The following CIAO2A variants were observed in gnomAD, a reference collection of about 807,000 sequenced individuals.
CIAO2A encodes the protein cytosolic iron-sulfur assembly component 2A.
Under a neutral mutation model 22.4 loss-of-function variants are expected in CIAO2A, and 17 were observed. The observed-to-expected ratio is 0.76, with a 90% CI of 0.52 to 1.14. The LOEUF (loss-of-function observed/expected upper bound fraction) is 1.14. Ranked by LOEUF, CIAO2A falls within the 50% of genes most tolerant of loss-of-function variation. CIAO2A has a pLI of 0.00. For synonymous variants in CIAO2A, 74 were observed against 72.3 expected (o/e 1.02, Z -0.12); for missense variants, 192 against 191.4 (o/e 1.00, Z -0.02).
intron 3 of CIAO2A, among the ~76,000 whole-genome samples, chr15:64,078,635 C>CAAA (rs1491101619): frequency 9.8e-5 from 2 of 20,356 alleles, no homozygotes; most frequent in Non-Finnish European, 1.7e-4. Context: ...GATTCCATCG[C>CAAA]AAACAAAAAA....
At chr15:64,091,243 G>A (rs1025978265) in intron 1 of CIAO2A, among the ~76,000 whole-genome samples, 11 of 152,206 alleles carry the variant, frequency 7.2e-5, no homozygotes, top group Non-Finnish European at 1.3e-4. Context: ...CACTTTGGGA[G>A]GCTGAGGCAA....
At chr15:64,075,610 C>A in intron 3 of CIAO2A, 73 bp from the exon 4 acceptor site, 1 of 919,230 alleles carries the variant, frequency 1.1e-6, no homozygotes, top group Non-Finnish European at 1.6e-6. Context: ...GTGGAATGTA[C>A]AGTAAATTCA....
At chr15:64,081,021 C>T (rs570726598) in intron 3 of CIAO2A, 81 bp downstream of exon 3, 45 of 1,344,360 alleles carry the variant, frequency 3.3e-5, no homozygotes, top group Admixed American at 2.9e-4. Context: ...ACTTTAAATA[C>T]GTGAATTGTG....
intron 1 of CIAO2A, among the ~76,000 whole-genome samples, chr15:64,092,166 T>C (rs2080845191): frequency 6.6e-6 from 1 of 152,146 alleles, no homozygotes; most frequent in Non-Finnish European, 1.5e-5. Flanking sequence ...ATTCTTCATT[T>C]ATATTTAAAA....
chr15:64,076,155 T>C (rs1457947239), intron 3 of CIAO2A, among the ~76,000 whole-genome samples: 2 of 152,166 alleles, frequency 1.3e-5, no homozygotes, highest in Admixed American at 6.5e-5. Context: ...ATATGTGTGG[T>C]TTTACTTAAG....
chr15:64,093,583 G>A, intron 1 of CIAO2A, 62 bp downstream of exon 1: 3 of 1,535,232 alleles, frequency 2.0e-6, no homozygotes, highest in Non-Finnish European at 2.7e-6. Context: ...CATCATCCCC[G>A]CACCCCTCAG....
chr15:64,077,769 G>A (rs1024214202), intron 3 of CIAO2A, among the ~76,000 whole-genome samples: 1 of 152,200 alleles, frequency 6.6e-6, no homozygotes, highest in Non-Finnish European at 1.5e-5. Flanking sequence ...CTAATGCAAT[G>A]TATGATGGGG....
intron 3 of CIAO2A, among the ~76,000 whole-genome samples, chr15:64,080,847 C>T (rs1567305901): frequency 6.6e-6 from 1 of 152,072 alleles, no homozygotes; most frequent in Non-Finnish European, 1.5e-5. Context: ...ACCATAGGAC[C>T]GGGCGATTCC....
chr15:64,087,635 C>G (rs2080808117), intron 2 of CIAO2A, among the ~76,000 whole-genome samples: 1 of 152,190 alleles, frequency 6.6e-6, no homozygotes, highest in Non-Finnish European at 1.5e-5. Context: ...GAACCCAGGT[C>G]AACCAGTGAG....
intron 1 of CIAO2A, among the ~76,000 whole-genome samples, chr15:64,093,113 T>G (rs947557350): frequency 6.6e-6 from 1 of 152,230 alleles, no homozygotes; most frequent in Non-Finnish European, 1.5e-5. Context: ...AAGGCCTTGC[T>G]ACAAGAAGCC....
chr15:64,081,782 G>A (rs564737783), intron 2 of CIAO2A, among the ~76,000 whole-genome samples: 3 of 151,776 alleles, frequency 2.0e-5, no homozygotes, highest in African/African-American at 7.3e-5. Flanking sequence ...CAAGTGATCC[G>A]CCTGCCTTAG....
chr15:64,093,814 T>G lies in CIAO2A; in HGVS notation c.-46A>C. 2 of 1,595,636 alleles carry G rather than the reference T, an allele frequency of 1.3e-6. No homozygotes were observed. The highest frequency in any genetic ancestry group is 1.7e-6 in the Non-Finnish European group (2 of 1,166,330). ...GGCGACTGTCCCAATCGCGCCACCG[T>G]CTCTCAGCAGCCTCGGGATTGATCA... is the stretch of plus-strand genomic sequence containing the variant. On this transcript the variant is annotated 5_prime_UTR_variant, in exon 1 of 5. Transcript: ENST00000300030.
At chr15:64,075,454 T>G (rs751343875) in intron 4 of CIAO2A, 38 bp downstream of exon 4, 1 of 1,354,906 alleles carries the variant, frequency 7.4e-7, no homozygotes, top group Non-Finnish European at 1.0e-6. Context: ...AAATACTATC[T>G]GAAGTTGTTT....
chr15:64,091,663 A>C (rs1453282504), intron 1 of CIAO2A, among the ~76,000 whole-genome samples: 1 of 152,106 alleles, frequency 6.6e-6, no homozygotes, highest in Non-Finnish European at 1.5e-5. Context: ...TAATTGTATT[A>C]TATTCTTTAT....
At chr15:64,086,167 G>A (rs981674115) in intron 2 of CIAO2A, among the ~76,000 whole-genome samples, 2 of 151,662 alleles carry the variant, frequency 1.3e-5, no homozygotes, top group Admixed American at 6.6e-5. Flanking sequence ...CCAGCACTTT[G>A]GGAGGCCGAG....
chr15:64,082,456 G>A (rs2080764784), intron 2 of CIAO2A, among the ~76,000 whole-genome samples: 1 of 152,084 alleles, frequency 6.6e-6, no homozygotes, highest in Admixed American at 6.6e-5. Flanking sequence ...TTGAACTTCT[G>A]ACCTCAAGTG....
chr15:64,088,874 A>G (rs1471248814), intron 1 of CIAO2A, 23 bp from the exon 2 acceptor site: 2 of 1,590,946 alleles, frequency 1.3e-6, no homozygotes, highest in South Asian at 2.3e-5. Context: ...CAGAGATAAG[A>G]TATTCTATTA....
At chr15:64,092,549 T>C (rs541624804) in intron 1 of CIAO2A, among the ~76,000 whole-genome samples, 3 of 152,348 alleles carry the variant, frequency 2.0e-5, no homozygotes, top group South Asian at 4.1e-4. Flanking sequence ...GTCACTCTCT[T>C]CCAAAGTTGT....
intron 2 of CIAO2A, among the ~76,000 whole-genome samples, chr15:64,084,764 C>T (rs192644497): frequency 7.6e-4 from 115 of 150,966 alleles, no homozygotes; most frequent in Admixed American, 1.7e-3. Flanking sequence ...AGTGAAACTC[C>T]GTCTCAAAAA....
Sources: allele counts gnomAD v4.1 joint callset (sites outside exome capture counted in the v4.1 genomes callset), GRCh38; gene constraint gnomAD v4.1.1; transcripts MANE v1.5; gene names NCBI Gene and HGNC (gene_info 2026-07-23, HGNC 2026-07-21).